The following KCNMA1 variants were observed in gnomAD, a reference collection of about 807,000 sequenced individuals.
KCNMA1 encodes the protein potassium calcium-activated channel subfamily M alpha 1.
Under a neutral mutation model 140.0 loss-of-function variants are expected in KCNMA1, and 29 were observed. The observed-to-expected ratio is 0.21, with a 90% CI of 0.15 to 0.28. The LOEUF (loss-of-function observed/expected upper bound fraction) is 0.28. Among genes scored for constraint, KCNMA1 ranks in the 10% least tolerant of loss-of-function variants. The pLI, the probability that KCNMA1 is intolerant of heterozygous loss-of-function variation, is 1.00. For missense variants in KCNMA1, 880 were observed against 1,602.2 expected (o/e 0.55, Z 7.70); for synonymous variants, 612 against 611.9 (o/e 1.00, Z 0.00).
At chr10:77,562,266 T>C (rs2066637360) in intron 1 of KCNMA1, among the ~76,000 whole-genome samples, 1 of 152,218 alleles carries the variant, frequency 6.6e-6, no homozygotes, top group Non-Finnish European at 1.5e-5. Context: ...CCAGGGACCA[T>C]ACAAGCTTCA....
intron 23 of KCNMA1, among the ~76,000 whole-genome samples, chr10:76,933,721 A>C (rs559281674): frequency 6.6e-6 from 1 of 152,266 alleles, no homozygotes; most frequent in South Asian, 2.1e-4. Context: ...TGCATGGGAC[A>C]CTGAAAACAT....
intron 5 of KCNMA1, among the ~76,000 whole-genome samples, chr10:77,123,700 A>G (rs565623810): frequency 6.6e-6 from 1 of 152,366 alleles, no homozygotes; most frequent in African/African-American, 2.4e-5. Context: ...TTATATACAC[A>G]CACCTACGGT....
rs202235932 is a variant in KCNMA1, at chr10:77,027,807, G to T, written c.1928+16C>A. Reference sequence around the variant, plus strand: ...ATCAAAAGTGTCAGCTGGCTGCTGGGTCACCGCAAACTTACCGGCTCTCTC... The same window carrying T: ...ATCAAAAGTGTCAGCTGGCTGCTGGTTCACCGCAAACTTACCGGCTCTCTC... On this transcript the variant is annotated intron_variant, in intron 16 of 27. Coordinates refer to ENST00000286628, the MANE Select transcript of KCNMA1 (RefSeq NM_001161352.2). 787 of 1,611,920 alleles carry T rather than the reference G, an allele frequency of 4.9e-4. No individual in the cohort carries two copies. The highest frequency in any genetic ancestry group is 1.4e-3 in the Admixed American group (83 of 59,998).
intron 5 of KCNMA1, among the ~76,000 whole-genome samples, chr10:77,130,832 T>C (rs1382918826): frequency 6.6e-6 from 1 of 152,160 alleles, no homozygotes; most frequent in East Asian, 1.9e-4. Context: ...AACATATACA[T>C]ATATTTTCCA....
In KCNMA1 at chr10:76,891,699, G is replaced by A. The variant is rs1354024331; in HGVS notation, c.3168C>T (p.Ile1056=). 1 of 1,613,846 alleles carries A rather than the reference G, an allele frequency of 6.2e-7. No individual in the cohort carries two copies. Among genetic ancestry groups the A allele is most frequent in the Non-Finnish European group, 8.5e-7 (1 of 1,179,972 alleles). ...LMSATYFNDN[I]LTLIRTLVTG... ...TCACCAGGGTCCGTATCAGGGTGAG[G>A]ATATTGTCATTGAAGTACGTCTGGG... Residue 1056 remains isoleucine, a synonymous_variant, in exon 26 of 28, where the codon ATC becomes ATT. Transcript: ENST00000286628.
At chr10:77,279,338 G>A (rs1276656197) in intron 2 of KCNMA1, among the ~76,000 whole-genome samples, 1 of 152,182 alleles carries the variant, frequency 6.6e-6, no homozygotes, top group Non-Finnish European at 1.5e-5. Flanking sequence ...GTAAGCCCAT[G>A]GCAGGGTGCC....
At chr10:77,563,519 G>A (rs2067090803) in intron 1 of KCNMA1, among the ~76,000 whole-genome samples, 1 of 151,998 alleles carries the variant, frequency 6.6e-6, no homozygotes. Flanking sequence ...CCCAGAACTT[G>A]CTCTCTTCTA....
At chr10:76,989,999 A>G (rs1443936259) in intron 19 of KCNMA1, among the ~76,000 whole-genome samples, 2 of 152,238 alleles carry the variant, frequency 1.3e-5, no homozygotes, top group African/African-American at 4.8e-5. Context: ...TTCAACATAT[A>G]CCAGGCAATC....
At chr10:77,217,358 G>A (rs942037096) in intron 3 of KCNMA1, 3 of 284,132 alleles carry the variant, frequency 1.1e-5, no homozygotes, top group Admixed American at 8.6e-5. Flanking sequence ...TAAGCCAAAT[G>A]TTTCCTCTGT....
intron 26 of KCNMA1, 132 bp downstream of exon 26, chr10:76,891,393 C>G: frequency 1.4e-6 from 1 of 724,232 alleles, no homozygotes; most frequent in Non-Finnish European, 2.4e-6. Flanking sequence ...AAATAAATAT[C>G]ACCTCTTACA....
intron 13 of KCNMA1, among the ~76,000 whole-genome samples, chr10:77,077,580 A>AG (rs1242367820): frequency 6.6e-6 from 1 of 152,220 alleles, no homozygotes; most frequent in Admixed American, 6.5e-5. Flanking sequence ...CATTGGAAAG[A>AG]GAAAAAAAAG....
intron 1 of KCNMA1, among the ~76,000 whole-genome samples, chr10:77,411,616 T>C (rs1279196724): frequency 1.3e-5 from 2 of 152,176 alleles, no homozygotes; most frequent in East Asian, 1.9e-4. Flanking sequence ...GGAGAATGCA[T>C]GTGCAAGGAT....
chr10:76,927,067 C>G (rs1024158617), intron 23 of KCNMA1, among the ~76,000 whole-genome samples: 1 of 152,022 alleles, frequency 6.6e-6, no homozygotes, highest in African/African-American at 2.4e-5. Flanking sequence ...ACTCTAAGGC[C>G]CTCTCAGCTT....
At chr10:77,127,117 C>T (rs1052438784) in intron 5 of KCNMA1, among the ~76,000 whole-genome samples, 11 of 109,810 alleles carry the variant, frequency 1.0e-4, no homozygotes, top group Non-Finnish European at 1.3e-4. Context: ...CACACACACA[C>T]ACAGAGTACA....
At chr10:77,488,142 C>T (rs1327681680) in intron 1 of KCNMA1, among the ~76,000 whole-genome samples, 2 of 152,220 alleles carry the variant, frequency 1.3e-5, no homozygotes, top group African/African-American at 4.8e-5. Context: ...GACAAGATGG[C>T]AGACAACATG....
At chr10:77,202,724 G>A (rs1305830299) in intron 3 of KCNMA1, among the ~76,000 whole-genome samples, 1 of 152,140 alleles carries the variant, frequency 6.6e-6, no homozygotes, top group Non-Finnish European at 1.5e-5. Context: ...TTGGAGTATA[G>A]GAGTATTTAC....
chr10:77,623,319 T>C (rs1028139402), intron 1 of KCNMA1, among the ~76,000 whole-genome samples: 1 of 152,182 alleles, frequency 6.6e-6, no homozygotes, highest in African/African-American at 2.4e-5. Flanking sequence ...ACCTCTGCCA[T>C]ATCTAGTCCA....
chr10:77,391,193 C>A (rs2095807153), intron 2 of KCNMA1, among the ~76,000 whole-genome samples: 1 of 152,140 alleles, frequency 6.6e-6, no homozygotes. Flanking sequence ...TAACCAACCT[C>A]CAGTAAACAA....
At chr10:77,242,265 G>A (rs145621394) in intron 3 of KCNMA1, among the ~76,000 whole-genome samples, 37 of 152,258 alleles carry the variant, frequency 2.4e-4, no homozygotes, top group African/African-American at 8.2e-4. Flanking sequence ...GATAGAGTCC[G>A]CTTCTCTGAT....
Sources: allele counts gnomAD v4.1 joint callset (sites outside exome capture counted in the v4.1 genomes callset), GRCh38; gene constraint gnomAD v4.1.1; transcripts MANE v1.5; gene names NCBI Gene and HGNC (gene_info 2026-07-23, HGNC 2026-07-21).